Variants in NTM observed in about 807,000 individuals in gnomAD.
NTM encodes the protein neurotrimin.
In NTM, 13 loss-of-function variants were observed where a neutral mutation model predicts 42.1. The observed-to-expected ratio is 0.31, with a 90% CI of 0.20 to 0.49. NTM has a LOEUF of 0.49. Among genes scored for constraint, NTM ranks in the 20% least tolerant of loss-of-function variants. The probability of loss-of-function intolerance (pLI) is 0.99; values close to 1 mark genes in which losing one functional copy is unlikely to be tolerated. For missense variants in NTM, 373 were observed against 452.8 expected (o/e 0.82, Z 1.60); for synonymous variants, 187 against 179.2 (o/e 1.04, Z -0.35).
chr11:131,918,149 G>C (rs113553074), intron 2 of NTM, among the ~76,000 whole-genome samples: 1 of 152,136 alleles, frequency 6.6e-6, no homozygotes, highest in Non-Finnish European at 1.5e-5. Context: ...TCAGTCTTGC[G>C]TAAGGAGGCC....
At chr11:131,470,647 C>T (rs573168657) in intron 1 of NTM, among the ~76,000 whole-genome samples, 1 of 152,174 alleles carries the variant, frequency 6.6e-6, no homozygotes, top group Admixed American at 6.5e-5. Flanking sequence ...CGAGTTACTT[C>T]GAGGCTCTCC....
At position 132,335,293 on chromosome 11, in the gene NTM, G is replaced by A. The variant is rs1330205364; in HGVS notation, c.*147G>A. On this transcript the variant is annotated 3_prime_UTR_variant, in exon 9 of 9. Transcript: ENST00000683400. ...CTCATGGGACAGAAATTTGAGGGAG[G>A]GGAACAAAGAATACTTTGGGGGGAA... 1.4e-5 allele frequency: 12 copies of A among 840,842 alleles called. No individual in the cohort carries two copies. Among genetic ancestry groups the A allele is most frequent in the Non-Finnish European group, 2.0e-5 (11 of 563,106 alleles). 52.1% of individuals were successfully genotyped at this position (840,842 alleles called of 1,614,324 possible). A position where few individuals can be genotyped will look rare whatever the true frequency, so the allele number is the denominator to read the frequency against.
At chr11:131,813,957 G>A (rs1048070933) in intron 1 of NTM, among the ~76,000 whole-genome samples, 4 of 152,038 alleles carry the variant, frequency 2.6e-5, no homozygotes, top group Admixed American at 1.3e-4. Flanking sequence ...GTAATGTACT[G>A]GACTCAGTGT....
At chr11:131,737,666 G>T (rs368933905) in intron 1 of NTM, among the ~76,000 whole-genome samples, 1 of 151,902 alleles carries the variant, frequency 6.6e-6, no homozygotes, top group African/African-American at 2.4e-5. Context: ...TCTCTCTTTC[G>T]CCTTCTTTAT....
chr11:132,122,554 G>T (rs369787179), intron 2 of NTM, among the ~76,000 whole-genome samples: 1 of 152,218 alleles, frequency 6.6e-6, no homozygotes, highest in Non-Finnish European at 1.5e-5. Flanking sequence ...AGGAAAAGAA[G>T]TCCCCTCTGT....
At chr11:131,636,039 C>A (rs1480783565) in intron 1 of NTM, among the ~76,000 whole-genome samples, 1 of 152,170 alleles carries the variant, frequency 6.6e-6, no homozygotes, top group Non-Finnish European at 1.5e-5. Context: ...GATGTTCATA[C>A]AATGGGGAGA....
chr11:132,247,114 G>T (rs2139315698), intron 4 of NTM, among the ~76,000 whole-genome samples: 1 of 152,232 alleles, frequency 6.6e-6, no homozygotes, highest in Admixed American at 6.5e-5. Flanking sequence ...CCCAAGTGTG[G>T]CCCCTCCTCC....
At chr11:132,162,465 A>C in intron 3 of NTM, among the ~76,000 whole-genome samples, 1 of 108,596 alleles carries the variant, frequency 9.2e-6, no homozygotes, top group Non-Finnish European at 1.8e-5. Flanking sequence ...GTGCTTGTGT[A>C]TGTTTGTGTG....
At chr11:132,296,053 G>A (rs528459933) in intron 4 of NTM, among the ~76,000 whole-genome samples, 1 of 152,316 alleles carries the variant, frequency 6.6e-6, no homozygotes, top group African/African-American at 2.4e-5. Context: ...AGCAAGCAAT[G>A]TAACTCACTT....
At chr11:131,999,693 T>C (rs1486743679) in intron 2 of NTM, among the ~76,000 whole-genome samples, 1 of 152,230 alleles carries the variant, frequency 6.6e-6, no homozygotes, top group Non-Finnish European at 1.5e-5. Flanking sequence ...CTTGTTCTTT[T>C]CTTAAATAAA....
At chr11:132,172,985 G>A (rs1051826547) in intron 3 of NTM, among the ~76,000 whole-genome samples, 20 of 152,152 alleles carry the variant, frequency 1.3e-4, no homozygotes, top group Non-Finnish European at 2.8e-4. Context: ...AAAAAGTCAT[G>A]CAACTCACAT....
At chr11:131,849,313 G>C (rs1055326640) in intron 1 of NTM, among the ~76,000 whole-genome samples, 3 of 152,146 alleles carry the variant, frequency 2.0e-5, no homozygotes, top group African/African-American at 7.2e-5. Flanking sequence ...AAAGAGGTTT[G>C]ATTGGCTCAT....
At chr11:131,843,189 T>C (rs2044490590) in intron 1 of NTM, among the ~76,000 whole-genome samples, 1 of 152,164 alleles carries the variant, frequency 6.6e-6, no homozygotes, top group South Asian at 2.1e-4. Context: ...AACACAACAT[T>C]AATCTAAACT....
intron 1 of NTM, among the ~76,000 whole-genome samples, chr11:131,862,467 A>G (rs2046743496): frequency 6.6e-6 from 1 of 152,212 alleles, no homozygotes; most frequent in African/African-American, 2.4e-5. Context: ...TTCATTCTGC[A>G]TATTTATTGC....
chr11:131,788,243 T>TTAC, intron 1 of NTM, among the ~76,000 whole-genome samples: 1 of 152,222 alleles, frequency 6.6e-6, no homozygotes, highest in East Asian at 1.9e-4. Flanking sequence ...ATCTATCTTC[T>TTAC]TACTGTTAGT....
At chr11:131,388,473 T>C (rs1402149920) in intron 1 of NTM, among the ~76,000 whole-genome samples, 2 of 151,806 alleles carry the variant, frequency 1.3e-5, no homozygotes, top group Non-Finnish European at 2.9e-5. Context: ...CATCTTTTTC[T>C]TGTTTTTAGC....
intron 1 of NTM, among the ~76,000 whole-genome samples, chr11:131,601,235 C>G (rs1274459858): frequency 2.0e-5 from 3 of 152,142 alleles, no homozygotes; most frequent in Non-Finnish European, 4.4e-5. Context: ...ACAGTGGTGG[C>G]AGCGAGGTCA....
At chr11:131,974,609 T>A (rs2134757720) in intron 2 of NTM, among the ~76,000 whole-genome samples, 1 of 152,336 alleles carries the variant, frequency 6.6e-6, no homozygotes, top group East Asian at 1.9e-4. Context: ...GATGTAAGCA[T>A]GGGCTCTTGG....
At chr11:131,962,331 A>G (rs142040600) in intron 2 of NTM, among the ~76,000 whole-genome samples, 5 of 152,358 alleles carry the variant, frequency 3.3e-5, no homozygotes, top group African/African-American at 1.2e-4. Context: ...TATGGACTGC[A>G]CAATTGTGTC....
Sources: allele counts gnomAD v4.1 joint callset (sites outside exome capture counted in the v4.1 genomes callset), GRCh38; gene constraint gnomAD v4.1.1; transcripts MANE v1.5; gene names NCBI Gene and HGNC (gene_info 2026-07-23, HGNC 2026-07-21).